Variants in ERBB4 observed in about 807,000 individuals in gnomAD.
The protein encoded by ERBB4 is receptor tyrosine-protein kinase erbB-4.
Under a neutral mutation model 158.0 loss-of-function variants are expected in ERBB4, and 42 were observed. The ratio of observed to expected loss-of-function variants is 0.27; its 90% CI spans 0.21 to 0.34. The LOEUF (loss-of-function observed/expected upper bound fraction) is 0.34, where lower values mean the gene tolerates loss of function less well. Among genes scored for constraint, ERBB4 ranks in the 10% least tolerant of loss-of-function variants. The pLI is 1.00. For synonymous variants in ERBB4, 583 were observed against 558.7 expected, an observed-to-expected ratio of 1.04 and a Z score of -0.61; for missense variants, 1,333 against 1,624.1, an observed-to-expected ratio of 0.82 and a Z score of 3.08.
At chr2:211,711,841 C>T (rs112196023) in intron 9 of ERBB4, among the ~76,000 whole-genome samples, 1,547 of 152,002 alleles carry the variant, frequency 0.01, 24 homozygotes, top group African/African-American at 0.034. Context: ...ATATTTTTGA[C>T]CTTAGTCACC....
intron 20 of ERBB4, among the ~76,000 whole-genome samples, chr2:211,545,167 A>G (rs980242590): frequency 2.6e-5 from 4 of 152,154 alleles, no homozygotes; most frequent in Non-Finnish European, 5.9e-5. Flanking sequence ...ATAGCCATCC[A>G]AAATATTTAA....
chr2:211,734,769 A>C (rs781209875), intron 5 of ERBB4, among the ~76,000 whole-genome samples: 9 of 151,762 alleles, frequency 5.9e-5, no homozygotes, highest in Non-Finnish European at 1.2e-4. Flanking sequence ...AAATACAAAA[A>C]AATTAGCCAG....
chr2:211,476,517 A>G (rs1288762658), intron 20 of ERBB4, among the ~76,000 whole-genome samples: 1 of 151,908 alleles, frequency 6.6e-6, no homozygotes. Flanking sequence ...GAGTTACAGA[A>G]GAGTAGAAGA....
chr2:212,414,139 C>T (rs942312707), intron 1 of ERBB4, among the ~76,000 whole-genome samples: 11 of 152,164 alleles, frequency 7.2e-5, no homozygotes, highest in Non-Finnish European at 1.5e-4. Context: ...TTGCATATCT[C>T]ATGGGAATTC....
intron 1 of ERBB4, among the ~76,000 whole-genome samples, chr2:212,356,638 C>A (rs980291606): frequency 3.3e-5 from 5 of 151,690 alleles, no homozygotes; most frequent in African/African-American, 1.2e-4. Flanking sequence ...TTTAAGCATC[C>A]TCCTTTTGCA....
chr2:211,740,832 G>A (rs969649371), intron 5 of ERBB4, among the ~76,000 whole-genome samples: 1 of 151,720 alleles, frequency 6.6e-6, no homozygotes, highest in East Asian at 1.9e-4. Flanking sequence ...GGATGGTCTC[G>A]ATCTCCTGAC....
intron 1 of ERBB4, among the ~76,000 whole-genome samples, chr2:212,245,046 A>G (rs1236337026): frequency 6.6e-6 from 1 of 152,152 alleles, no homozygotes; most frequent in Non-Finnish European, 1.5e-5. Context: ...TTATTGTAGA[A>G]CCATAAAAAA....
chr2:212,135,793 C>T (rs2080253045), intron 1 of ERBB4, among the ~76,000 whole-genome samples: 4 of 152,142 alleles, frequency 2.6e-5, no homozygotes, highest in African/African-American at 9.7e-5. Context: ...AGGTCCTTAA[C>T]TTTAATGTAG....
chr2:211,532,789 T>TA (rs2066537448), intron 20 of ERBB4, among the ~76,000 whole-genome samples: 1 of 151,970 alleles, frequency 6.6e-6, no homozygotes, highest in African/African-American at 2.4e-5. Flanking sequence ...TCTTGCATTT[T>TA]AAAATAAGAA....
At chr2:211,654,178 G>T (rs1444469670) in intron 16 of ERBB4, among the ~76,000 whole-genome samples, 1 of 152,118 alleles carries the variant, frequency 6.6e-6, no homozygotes, top group Non-Finnish European at 1.5e-5. Context: ...GCAGACACTT[G>T]TTACTTTCAC....
At chr2:212,414,549 C>T (rs891982763) in intron 1 of ERBB4, among the ~76,000 whole-genome samples, 6 of 152,042 alleles carry the variant, frequency 3.9e-5, no homozygotes, top group East Asian at 1.9e-4. Flanking sequence ...ACAGGCTTAA[C>T]GAAATTCCAA....
intron 1 of ERBB4, among the ~76,000 whole-genome samples, chr2:212,281,510 G>C (rs1214184685): frequency 2.0e-5 from 3 of 151,726 alleles, no homozygotes; most frequent in African/African-American, 7.2e-5. Flanking sequence ...ATTTGTAGTA[G>C]TCAGGATTAC....
intron 1 of ERBB4, among the ~76,000 whole-genome samples, chr2:212,387,614 T>C (rs1029375338): frequency 6.6e-6 from 1 of 151,940 alleles, no homozygotes; most frequent in Admixed American, 6.6e-5. Flanking sequence ...GACGGGGTTT[T>C]GTCATTTTGG....
chr2:212,058,946 T>C (rs1040399159), intron 2 of ERBB4, among the ~76,000 whole-genome samples: 4 of 152,058 alleles, frequency 2.6e-5, no homozygotes, highest in Non-Finnish European at 5.9e-5. Context: ...GCCAGGGCAA[T>C]CAGGAAGGAG....
intron 20 of ERBB4, among the ~76,000 whole-genome samples, chr2:211,512,855 T>G (rs2065915502): frequency 6.6e-6 from 1 of 152,132 alleles, no homozygotes; most frequent in South Asian, 2.1e-4. Flanking sequence ...TCTGTCTCCC[T>G]TCTAGGTGTC....
At chr2:212,236,116 C>T (rs1199505546) in intron 1 of ERBB4, among the ~76,000 whole-genome samples, 2 of 152,088 alleles carry the variant, frequency 1.3e-5, no homozygotes, top group Non-Finnish European at 2.9e-5. Context: ...TCATAAAGAG[C>T]TCTTATTATT....
chr2:211,849,948 T>C (rs574598942), intron 3 of ERBB4, among the ~76,000 whole-genome samples: 2 of 143,296 alleles, frequency 1.4e-5, no homozygotes, highest in East Asian at 4.2e-4. Flanking sequence ...GAATCTCAGC[T>C]TTTAATCTCT....
At chr2:211,973,482 T>C (rs1052852468) in intron 2 of ERBB4, among the ~76,000 whole-genome samples, 1 of 152,182 alleles carries the variant, frequency 6.6e-6, no homozygotes, top group African/African-American at 2.4e-5. Context: ...ATTAAAGGCA[T>C]GAGCCACCGT....
chr2:212,297,547 C>T (rs2086458504), intron 1 of ERBB4, among the ~76,000 whole-genome samples: 1 of 151,684 alleles, frequency 6.6e-6, no homozygotes, highest in Non-Finnish European at 1.5e-5. Flanking sequence ...ATATCTAAAG[C>T]TAATATTTTC....
Sources: gnomAD v4.1 joint callset for allele counts (sites outside exome capture counted in the v4.1 genomes callset) on GRCh38, gnomAD v4.1.1 for gene constraint, MANE v1.5 for transcripts, NCBI Gene and HGNC (gene_info 2026-07-23, HGNC 2026-07-21) for gene names.